Variants in BDKRB2 observed in about 807,000 individuals in gnomAD.
BDKRB2 encodes the protein bradykinin receptor B2.
A neutral mutation model predicts 4.0 loss-of-function variants in BDKRB2; 6 were observed. The ratio of observed to expected loss-of-function variants is 1.49; its 90% CI spans 0.81 to 2.93. The LOEUF (loss-of-function observed/expected upper bound fraction) is 2.93, where lower values mean the gene tolerates loss of function less well. Among genes scored for constraint, BDKRB2 ranks in the 30% most tolerant of loss-of-function variants. The probability of loss-of-function intolerance (pLI) is 0.00; values close to 1 mark genes in which losing one functional copy is unlikely to be tolerated. For synonymous variants in BDKRB2, 225 were observed against 215.3 expected (o/e 1.05, Z -0.40); for missense variants, 478 against 520.1 (o/e 0.92, Z 0.79).
intron 1 of BDKRB2, among the ~76,000 whole-genome samples, chr14:96,219,641 T>TAGCAGC: frequency 6.6e-6 from 1 of 151,838 alleles, no homozygotes; most frequent in East Asian, 1.9e-4. Flanking sequence ...TTGCTGTCAC[T>TAGCAGC]ATCAGCATCA....
intron 1 of BDKRB2, among the ~76,000 whole-genome samples, chr14:96,227,899 T>C (rs1890736091): frequency 6.6e-6 from 1 of 152,082 alleles, no homozygotes; most frequent in Admixed American, 6.6e-5. Flanking sequence ...AGACACGGGG[T>C]GGCTGCCAAT....
At chr14:96,224,253 G>A (rs921938155) in intron 1 of BDKRB2, among the ~76,000 whole-genome samples, 1 of 152,040 alleles carries the variant, frequency 6.6e-6, no homozygotes. Context: ...CTACTTGTGG[G>A]TATATTCCAA....
Position 96,210,398 on chromosome 14 carries a change from G to A in BDKRB2, c.-40+5439G>A, listed in dbSNP as rs182103093. Among the ~76,000 whole-genome samples the A allele has an allele frequency of 3.8e-3, 577 of 152,298 alleles. 5 individuals are homozygous for A. The highest frequency in any genetic ancestry group is 0.013 in the African/African-American group (549 of 41,548). ...GAAGTGGAGAAAGCATGTAGGAAGA[G>A]GAGGTTAGGCAGAAGGAGGCCTGAT... On this transcript the variant is annotated intron_variant, in intron 1 of 2. Transcript: ENST00000554311.
intron 2 of BDKRB2, chr14:96,238,201 C>T: frequency 1.4e-6 from 1 of 690,558 alleles, no homozygotes; most frequent in Non-Finnish European, 1.8e-6. Flanking sequence ...GTAACTGGGG[C>T]CAGAGGATCC....
chr14:96,242,509 C>T lies in BDKRB2; in HGVS notation c.*1005C>T, dbSNP rs1885320884. 3.3e-5 allele frequency: 5 copies of T among 152,338 alleles called. No individual in the cohort carries two copies. The South Asian group carries it at 1.0e-3, about 32-fold the overall frequency. 9.4% of individuals were successfully genotyped at this position (152,338 alleles called of 1,614,324 possible). Reference sequence around the variant, plus strand: ...AAGACACTGAGGTCTAGAAATAGCTCCGTGGAGCAGAATCAGTATTGGGAG... The same window carrying T: ...AAGACACTGAGGTCTAGAAATAGCTTCGTGGAGCAGAATCAGTATTGGGAG... On this transcript the variant is annotated 3_prime_UTR_variant, in exon 3 of 3. Coordinates refer to ENST00000554311, the MANE Select transcript of BDKRB2 (RefSeq NM_001379692.1).
chr14:96,238,752 C>G, intron 2 of BDKRB2: 2 of 985,710 alleles, frequency 2.0e-6, no homozygotes, highest in Non-Finnish European at 2.4e-6. Context: ...CTTCAAGACC[C>G]AGCTCTAGAG....
At chr14:96,229,598 T>A (rs1278657010) in intron 1 of BDKRB2, among the ~76,000 whole-genome samples, 1 of 151,906 alleles carries the variant, frequency 6.6e-6, no homozygotes, top group African/African-American at 2.4e-5. Context: ...AAGATTAGCT[T>A]GAAATGGAAT....
rs143703892 is a variant in BDKRB2, at chr14:96,235,730, G to C, written c.-39-1339G>C. On this transcript the variant is annotated intron_variant, in intron 1 of 2. Transcript: ENST00000554311. Reference sequence around the variant, plus strand: ...CTGGGCTTCTGGAAACCCAGGTGCCGGGTGTTGCAGAGTGGCTGAAAGCTG... The same window carrying C: ...CTGGGCTTCTGGAAACCCAGGTGCCCGGTGTTGCAGAGTGGCTGAAAGCTG... Among the ~76,000 whole-genome samples, 494 of 152,132 alleles carry C rather than the reference G, an allele frequency of 3.2e-3. 1 individual carries two copies. Among genetic ancestry groups the C allele is most frequent in the African/African-American group, 0.011 (459 of 41,466 alleles).
intron 1 of BDKRB2, among the ~76,000 whole-genome samples, chr14:96,224,034 G>A (rs976742651): frequency 3.3e-5 from 5 of 152,062 alleles, no homozygotes. Context: ...TGTGATAATG[G>A]TTGTCTAGTT....
chr14:96,244,088 A>C lies in BDKRB2; in HGVS notation c.*2584A>C. ...AGCTGTTATGTTGTAAACAGGAAGC[A>C]TTTCACATCCAAACGAGAAAATCAT... On this transcript the variant is annotated 3_prime_UTR_variant, in exon 3 of 3. Transcript: ENST00000554311. 2.5e-6 allele frequency: 1 copy of C among 398,272 alleles called. No individual in the cohort carries two copies. The highest frequency in any genetic ancestry group is 4.4e-6 in the Non-Finnish European group (1 of 225,998). 24.7% of individuals were successfully genotyped at this position (398,272 alleles called of 1,614,324 possible).
intron 1 of BDKRB2, among the ~76,000 whole-genome samples, chr14:96,234,302 C>T (rs932999751): frequency 6.6e-6 from 1 of 152,156 alleles, no homozygotes; most frequent in South Asian, 2.1e-4. Flanking sequence ...TCCTTCCCCC[C>T]TCGCGATCAG....
chr14:96,239,484 G>T (rs1388437677), intron 2 of BDKRB2: 3 of 985,352 alleles, frequency 3.0e-6, no homozygotes, highest in Non-Finnish European at 2.4e-6. Context: ...TGTGAGTCTT[G>T]CCTAAGAATG....
Position 96,240,948 on chromosome 14 carries a change from A to G in BDKRB2, c.620A>G (p.Asn207Ser). The change falls in exon 3 of 3, where the codon AAC (asparagine) becomes AGC (serine). Residue 207 changes from asparagine to serine, a missense_variant. Coordinates refer to ENST00000554311, the MANE Select transcript of BDKRB2 (RefSeq NM_001379692.1). ...TMKEYSDEGHNVTACVISYPS... is the reference protein window; with the variant it reads ...TMKEYSDEGHSVTACVISYPS... ...AAGGAGTACAGCGATGAGGGCCACA[A>G]CGTCACCGCTTGTGTCATCAGCTAC... 2 of 1,593,438 alleles carry G rather than the reference A, an allele frequency of 1.3e-6. No homozygotes were observed. The highest frequency in any genetic ancestry group is 1.7e-6 in the Non-Finnish European group (2 of 1,169,006).
chr14:96,210,408 CAGA>C (rs1216492012), intron 1 of BDKRB2, among the ~76,000 whole-genome samples: 1 of 152,144 alleles, frequency 6.6e-6, no homozygotes, highest in East Asian at 1.9e-4. Flanking sequence ...GGAGGTTAGG[CAGA>C]AGGAGGCCTG....
chr14:96,231,505 C>A (rs1890818516), intron 1 of BDKRB2, among the ~76,000 whole-genome samples: 1 of 152,168 alleles, frequency 6.6e-6, no homozygotes, highest in African/African-American at 2.4e-5. Context: ...CTTCCGCCAC[C>A]CCCTGCCTGC....
chr14:96,222,236 C>T (rs1048755848), intron 1 of BDKRB2, among the ~76,000 whole-genome samples: 17 of 152,126 alleles, frequency 1.1e-4, no homozygotes, highest in Admixed American at 7.2e-4. Flanking sequence ...CCTGGAGCTT[C>T]GGTGCTGTCT....
chr14:96,229,867 G>A (rs1003180291), intron 1 of BDKRB2, among the ~76,000 whole-genome samples: 6 of 152,100 alleles, frequency 3.9e-5, no homozygotes, highest in South Asian at 4.2e-4. Context: ...GGTGGCTCAC[G>A]CCTGTAATCC....
intron 1 of BDKRB2, among the ~76,000 whole-genome samples, chr14:96,228,104 A>T (rs1246280256): frequency 1.3e-5 from 2 of 152,164 alleles, no homozygotes; most frequent in Non-Finnish European, 2.9e-5. Flanking sequence ...GAGAAGGGAG[A>T]GTTCCCTGGA....
intron 1 of BDKRB2, among the ~76,000 whole-genome samples, chr14:96,206,801 G>A (rs1277243221): frequency 6.6e-6 from 1 of 152,090 alleles, no homozygotes; most frequent in African/African-American, 2.4e-5. Flanking sequence ...GCCTGTTTGA[G>A]CTGCTATAAG....
Sources: gnomAD v4.1 joint callset for allele counts (sites outside exome capture counted in the v4.1 genomes callset) on GRCh38, gnomAD v4.1.1 for gene constraint, MANE v1.5 for transcripts, NCBI Gene and HGNC (gene_info 2026-07-23, HGNC 2026-07-21) for gene names.